The following NAALADL2 variants were observed in gnomAD, a reference collection of about 807,000 sequenced individuals.
NAALADL2 encodes the protein inactive N-acetylated-alpha-linked acidic dipeptidase-like protein 2.
A neutral mutation model predicts 87.2 loss-of-function variants in NAALADL2; 76 were observed. The ratio of observed to expected loss-of-function variants is 0.87; its 90% CI spans 0.72 to 1.05. The LOEUF (loss-of-function observed/expected upper bound fraction) is 1.05, where lower values mean the gene tolerates loss of function less well. Among genes scored for constraint, NAALADL2 ranks in the 50% least tolerant of loss-of-function variants. NAALADL2 has a pLI of 0.00. For missense variants in NAALADL2, 1,089 were observed against 945.8 expected, an observed-to-expected ratio of 1.15 and a Z score of -1.99; for synonymous variants, 354 against 331.0, an observed-to-expected ratio of 1.07 and a Z score of -0.75.
chr3:175,058,575 C>CG (rs1236952088), intron 1 of NAALADL2, among the ~76,000 whole-genome samples: 3 of 151,940 alleles, frequency 2.0e-5, no homozygotes, highest in Non-Finnish European at 4.4e-5. Flanking sequence ...AATGATAAGT[C>CG]GGGGGGTGCA....
At chr3:175,289,444 C>T (rs1279542075) in intron 4 of NAALADL2, among the ~76,000 whole-genome samples, 1 of 151,862 alleles carries the variant, frequency 6.6e-6, no homozygotes, top group Non-Finnish European at 1.5e-5. Context: ...AAAGAGAGAA[C>T]CTTGACCCTG....
chr3:174,636,386 T>C (rs1722649700), intron 2 of NAALADL2, among the ~76,000 whole-genome samples: 1 of 152,050 alleles, frequency 6.6e-6, no homozygotes, highest in Non-Finnish European at 1.5e-5. Context: ...AGAAACAATC[T>C]ATAAAGTGGA....
At position 175,309,922 on chromosome 3, in the gene NAALADL2, C is replaced by G. The variant is rs547495210; in HGVS notation, c.940-14253C>G. Among the ~76,000 whole-genome samples, 125 of 152,256 alleles carry G rather than the reference C, an allele frequency of 8.2e-4. 1 individual carries two copies. The highest frequency in any genetic ancestry group is 2.9e-3 in the African/African-American group (120 of 41,568). ...TCAGTGTCATGCCCAGCATGTCTCT[C>G]TTAATTGCTGGTTCAGGACAAGACC... On this transcript the variant is annotated intron_variant, in intron 4 of 13. Transcript: ENST00000454872.
chr3:174,994,981 A>G (rs578001063), intron 1 of NAALADL2, among the ~76,000 whole-genome samples: 1 of 152,230 alleles, frequency 6.6e-6, no homozygotes, highest in Non-Finnish European at 1.5e-5. Flanking sequence ...TCAGAAATGG[A>G]AAGATCATTG....
chr3:174,650,623 G>A (rs962473178), intron 2 of NAALADL2, among the ~76,000 whole-genome samples: 2 of 152,062 alleles, frequency 1.3e-5, no homozygotes, highest in South Asian at 4.2e-4. Context: ...CAGTAGTTAC[G>A]GTCGTAATTG....
intron 2 of NAALADL2, among the ~76,000 whole-genome samples, chr3:175,116,530 T>C (rs878914788): frequency 1.3e-5 from 2 of 152,014 alleles, no homozygotes; most frequent in Non-Finnish European, 2.9e-5. Context: ...TTACAAGGGA[T>C]GTGAAGGACC....
At chr3:175,504,493 C>G (rs1729987030) in intron 9 of NAALADL2, among the ~76,000 whole-genome samples, 1 of 151,422 alleles carries the variant, frequency 6.6e-6, no homozygotes, top group African/African-American at 2.4e-5. Context: ...AGGGTGGGGC[C>G]CTAATCTGAT....
At chr3:174,731,061 T>C (rs893680563) in intron 2 of NAALADL2, among the ~76,000 whole-genome samples, 69 of 152,264 alleles carry the variant, frequency 4.5e-4, no homozygotes, top group South Asian at 1.2e-3. Context: ...ATTATTCCTA[T>C]TTTTATTCCT....
intron 2 of NAALADL2, among the ~76,000 whole-genome samples, chr3:175,133,715 AGAGAGGGAGAGGGAGACCGTGGG>A (rs1300093191): frequency 1.4e-4 from 21 of 152,108 alleles, no homozygotes; most frequent in African/African-American, 2.9e-4. Flanking sequence ...GACCGTGGAA[AGAGAGGGAGAGGGAGACCGTGGG>A]GAGAGGGAGA....
chr3:174,622,573 C>T (rs1409086778), intron 2 of NAALADL2, among the ~76,000 whole-genome samples: 1 of 152,070 alleles, frequency 6.6e-6, no homozygotes, highest in Admixed American at 6.6e-5. Flanking sequence ...TGACCAGAAG[C>T]CTTACTGCTA....
At chr3:174,546,085 T>G (rs1347355872) in intron 1 of NAALADL2, among the ~76,000 whole-genome samples, 1 of 151,880 alleles carries the variant, frequency 6.6e-6, no homozygotes, top group East Asian at 1.9e-4. Context: ...ACACTAAGAG[T>G]TGATAACTAT....
In NAALADL2 at chr3:174,747,738, G is replaced by T. The variant is rs377738321; in HGVS notation, c.-9+9992G>T. 4.5e-4 allele frequency among the ~76,000 whole-genome samples: 68 copies of T among 151,924 alleles called. 1 individual carries two copies. The highest frequency in any genetic ancestry group is 3.4e-3 in the Middle Eastern group (1 of 294). The stretch of plus-strand genomic sequence containing the variant: ...GAATGTAAATTAGTTCAACGATTGT[G>T]GAAGACACTGTGGTGATTCCTCAAA... On this transcript the variant is annotated intron_variant, in intron 3 of 3. Coordinates refer to the NAALADL2 transcript ENST00000434257.
rs138590419 is a variant in NAALADL2 at position 174,475,276 on chromosome 3, A to C, written c.-184+34244A>C. Among the ~76,000 whole-genome samples the C allele has an allele frequency of 1.8e-3, 272 of 152,078 alleles. 2 individuals are homozygous for C. In the Middle Eastern group the frequency reaches 0.024, roughly 13 times the overall value. On this transcript the variant is annotated intron_variant, in intron 1 of 3. Transcript: ENST00000434257. ...TGAACTGACTTGATTAAATAAAAAT[A>C]ATTCTTTACGTAAAATAATTAAAAG...
intron 10 of NAALADL2, among the ~76,000 whole-genome samples, chr3:175,593,745 G>C (rs1290040186): frequency 3.4e-5 from 5 of 148,004 alleles, no homozygotes; most frequent in Non-Finnish European, 3.0e-5. Context: ...TTTCTTCTAA[G>C]GATGCAGTCA....
intron 3 of NAALADL2, among the ~76,000 whole-genome samples, chr3:174,750,582 C>T (rs750638683): frequency 6.6e-5 from 10 of 152,032 alleles, no homozygotes; most frequent in Middle Eastern, 3.4e-3. Flanking sequence ...TAAAGGTGTG[C>T]GCCACCATAC....
In NAALADL2 at chr3:175,063,373, G is replaced by A. The variant is rs373449311; in HGVS notation, c.44-33417G>A. Among the ~76,000 whole-genome samples, 20 of 152,102 alleles carry A rather than the reference G, an allele frequency of 1.3e-4. No individual in the cohort carries two copies. The East Asian group carries it at 3.9e-3, about 30-fold the overall frequency. On this transcript the variant is annotated intron_variant, in intron 1 of 13. Transcript: ENST00000454872. ...ATTTTAAACTGCTAAAAAGCTTGAG[G>A]AACAAATCCTTCGAAACATAGACTG...
chr3:174,691,063 A>G (rs535408151), intron 2 of NAALADL2, among the ~76,000 whole-genome samples: 1 of 152,254 alleles, frequency 6.6e-6, no homozygotes, highest in African/African-American at 2.4e-5. Context: ...CCATCTACTG[A>G]CTGTGCAGTA....
chr3:175,711,091 G>A (rs145426955), intron 11 of NAALADL2, among the ~76,000 whole-genome samples: 236 of 151,744 alleles, frequency 1.6e-3, no homozygotes, highest in African/African-American at 5.5e-3. Context: ...ACCTTTGCTC[G>A]GTGCTAAAAA....
At chr3:175,205,117 A>G (rs1045394435) in intron 2 of NAALADL2, among the ~76,000 whole-genome samples, 4 of 152,172 alleles carry the variant, frequency 2.6e-5, no homozygotes, top group African/African-American at 7.2e-5. Context: ...TAAAATTCAT[A>G]TGGAACCAAA....
Sources: gnomAD v4.1 joint callset for allele counts (sites outside exome capture counted in the v4.1 genomes callset) on GRCh38, gnomAD v4.1.1 for gene constraint, MANE v1.5 for transcripts, NCBI Gene and HGNC (gene_info 2026-07-23, HGNC 2026-07-21) for gene names.